TADA3: variants seen among roughly 807,000 people sequenced by gnomAD.
TADA3 encodes the protein transcriptional adapter 3.
Under a neutral mutation model 43.2 loss-of-function variants are expected in TADA3, and 25 were observed. That is an observed-to-expected ratio of 0.58 (90% CI 0.42 to 0.81). The LOEUF is 0.81. Among genes scored for constraint, TADA3 ranks in the 30% least tolerant of loss-of-function variants. TADA3 has a pLI of 0.00. For missense variants in TADA3, 441 were observed against 567.8 expected, an observed-to-expected ratio of 0.78 and a Z score of 2.27; for synonymous variants, 235 against 225.5, an observed-to-expected ratio of 1.04 and a Z score of -0.38.
chr3:9,781,694 A>T, intron 8 of TADA3: 1 of 428,642 alleles, frequency 2.3e-6, no homozygotes, highest in East Asian at 7.3e-5. Context: ...GATTGAGTCC[A>T]GCCTGCCAGT....
At position 9,792,431 on chromosome 3, in the gene TADA3, G is replaced by A. The variant is rs566846964; in HGVS notation, c.-243C>T. 18 of 1,089,620 alleles carry A rather than the reference G, an allele frequency of 1.7e-5. No homozygotes were observed. In the African/African-American group the frequency reaches 2.1e-4, roughly 13 times the overall value. The allele number at this position is 1,089,620 out of a possible 1,614,324, so 67.5% of individuals were successfully genotyped here. The stretch of plus-strand genomic sequence containing the variant: ...CCTACGGCCCCAGGGGCCGCGGGAG[G>A]GGGCGGGGAGTTCCGGTCGATGTGA... On this transcript the variant is annotated 5_prime_UTR_variant, in exon 1 of 9. Transcript: ENST00000301964.
intron 1 of TADA3, 32 bp from the exon 2 acceptor site, chr3:9,791,525 A>G (rs1575311527): frequency 7.1e-7 from 1 of 1,401,532 alleles, no homozygotes. Flanking sequence ...ATGGGAGACA[A>G]AGTGGTCTGA....
chr3:9,786,938 TA>T, intron 6 of TADA3, 67 bp downstream of exon 6: 2 of 1,417,430 alleles, frequency 1.4e-6, no homozygotes, highest in Non-Finnish European at 2.0e-6. Context: ...TAAATTCCGA[TA>T]AAAAATAAGC....
intron 8 of TADA3, among the ~76,000 whole-genome samples, 163 bp from the exon 9 acceptor site, chr3:9,780,712 C>CTATCT (rs1369785168): frequency 6.6e-6 from 1 of 152,228 alleles, no homozygotes; most frequent in African/African-American, 2.4e-5. Context: ...TTACATGGCA[C>CTATCT]TATCTTAAGC....
intron 8 of TADA3, chr3:9,783,726 C>T (rs576585049): frequency 8.0e-6 from 2 of 250,576 alleles, no homozygotes; most frequent in South Asian, 7.9e-5. Context: ...TGCAGTGAGC[C>T]GAGATCATGC....
Position 9,792,372 on chromosome 3 carries a change from G to C in TADA3, c.-184C>G, listed in dbSNP as rs956867444. On this transcript the variant is annotated 5_prime_UTR_variant, in exon 1 of 9. Transcript: ENST00000301964. ...TCGTTCTCTAGGGACACCCTAGTGCGACCCCCGCCCCCTCTACCTCCTCGC... is the reference window on the plus strand; with the variant it reads ...TCGTTCTCTAGGGACACCCTAGTGCCACCCCCGCCCCCTCTACCTCCTCGC... 3 of 541,810 alleles carry C rather than the reference G, an allele frequency of 5.5e-6. No homozygotes were observed. The highest frequency in any genetic ancestry group is 7.2e-6 in the Non-Finnish European group (3 of 415,470). The allele number at this position is 541,810 out of a possible 1,614,324, so 33.6% of individuals were successfully genotyped here. A position where few individuals can be genotyped will look rare whatever the true frequency, so the allele number is the denominator to read the frequency against.
At position 9,780,539 on chromosome 3, in the gene TADA3, C is replaced by G; in HGVS notation, c.1117G>C (p.Glu373Gln). The G allele has an allele frequency of 6.2e-7, 1 of 1,602,044 alleles. No homozygotes were observed. Among genetic ancestry groups the G allele is most frequent in the Non-Finnish European group, 8.5e-7 (1 of 1,179,564 alleles). The part of the protein sequence containing the change: ...KKHDLLRLAK[E>Q]EVSRQELRQR... ...CTCAGCTCCTGCCGGCTCACCTCCT[C>G]CTTTGCCAGCCTGTGGGGACCAGCC... Residue 373 changes from glutamate to glutamine, a missense_variant, in exon 9 of 9, where the codon GAG becomes CAG. Physicochemically the swap from Glu to Gln is conservative, Grantham distance 29. Transcript: ENST00000301964.
chr3:9,785,289 G>A (rs939206804), intron 7 of TADA3, 27 bp downstream of exon 7: 8 of 1,565,158 alleles, frequency 5.1e-6, no homozygotes, highest in Non-Finnish European at 6.1e-6. Context: ...GGGCCAGACT[G>A]TGGGTTGTGG....
In TADA3 at chr3:9,780,438, C is replaced by A. The variant is rs550260818; in HGVS notation, c.1218G>T (p.Arg406=). 3.3e-4 allele frequency: 540 copies of A among 1,613,074 alleles called. 5 individuals carry two copies. The South Asian group carries it at 5.7e-3, about 17-fold the overall frequency. ...RKIMAARQKK[R]TPTKKEKDQA... is the part of the protein sequence containing the mutation. ...GGTCCTTTTCTTTCTTGGTGGGAGT[C>A]CGCTTCTTCTGCCGGGCAGCCATGA... is the stretch of plus-strand genomic sequence containing the variant. Residue 406 remains arginine (R), a synonymous_variant, in exon 9 of 9, where the codon CGG becomes CGT. Transcript: ENST00000301964.
chr3:9,792,688 G>A (rs1050115074), upstream of TADA3: 2 of 1,233,226 alleles, frequency 1.6e-6, no homozygotes, highest in African/African-American at 3.1e-5. Context: ...TAGCCCCGCC[G>A]AGCGCCAGGA....
upstream of TADA3, chr3:9,792,831 G>T (rs878972533): frequency 3.7e-6 from 5 of 1,356,884 alleles, no homozygotes; most frequent in South Asian, 3.6e-5. Flanking sequence ...CCTGGGGGAG[G>T]CTGTGGCAAA....
At chr3:9,785,829 G>A (rs1368393112) in intron 6 of TADA3, among the ~76,000 whole-genome samples, 3 of 152,232 alleles carry the variant, frequency 2.0e-5, no homozygotes, top group Non-Finnish European at 4.4e-5. Context: ...TCTTGCAGGC[G>A]GGTATGGTCA....
At chr3:9,792,988 T>C (rs187036455), upstream of TADA3, 47 of 1,462,864 alleles carry the variant, frequency 3.2e-5, no homozygotes, top group African/African-American at 6.1e-4. Flanking sequence ...AAGGGCTCTC[T>C]ACCCCGCTCG....
chr3:9,783,761 G>A, intron 8 of TADA3: 2 of 433,030 alleles, frequency 4.6e-6, no homozygotes, highest in Non-Finnish European at 7.8e-6. Context: ...CTGGGTGACA[G>A]TGCGAGACTC....
Position 9,789,785 on chromosome 3 carries a change from T to C in TADA3, c.386A>G (p.Lys129Arg), listed in dbSNP as rs753436936. The change falls in exon 3 of 9, where the codon AAG becomes AGG. Residue 129 changes from lysine to arginine, a missense_variant. Coordinates refer to ENST00000301964, the MANE Select transcript of TADA3 (RefSeq NM_006354.5). ...GRPKSKNLQP[K>R]IQEYEFTDDP... The stretch of plus-strand genomic sequence containing the variant: ...ATCAGTGAATTCATATTCCTGGATC[T>C]TGGGCTGAAGGTTTTTGGATTTGGG... The C allele has an allele frequency of 1.7e-5, 28 of 1,614,146 alleles. No individual in the cohort carries two copies. The highest frequency in any genetic ancestry group is 2.4e-5 in the Non-Finnish European group (28 of 1,180,048).
chr3:9,787,896 CAAGAGGGAGAG>C (rs2078653671), intron 4 of TADA3: 1 of 385,512 alleles, frequency 2.6e-6, no homozygotes, highest in Admixed American at 3.6e-5. Flanking sequence ...GTCAAGGAGA[CAAGAGGGAGAG>C]AAGAGCTTGC....
At position 9,789,619 on chromosome 3, in the gene TADA3, A is replaced by G. The variant is rs746107814; in HGVS notation, c.459-5T>C. 1 of 1,613,722 alleles carries G rather than the reference A, an allele frequency of 6.2e-7. No homozygotes were observed. The highest frequency in any genetic ancestry group is 1.7e-5 in the Admixed American group (1 of 59,960). On this transcript the variant is annotated splice_polypyrimidine_tract_variant and splice_region_variant and intron_variant, in intron 3 of 8. Coordinates refer to ENST00000301964, the MANE Select transcript of TADA3 (RefSeq NM_006354.5). The stretch of plus-strand genomic sequence containing the variant: ...GGCTCCACTGAAGCCCAGAACCTGC[A>G]GGGAGAAGCAGATCCTGAGTGGGCG...
At position 9,780,501 on chromosome 3, in the gene TADA3, G is replaced by A; in HGVS notation, c.1155C>T (p.Arg385=). Residue 385 remains arginine, a synonymous_variant, in exon 9 of 9, where the codon CGC becomes CGT. Coordinates refer to ENST00000301964, the MANE Select transcript of TADA3 (RefSeq NM_006354.5). ...CGTCCATGACCTCGTTGTCAGCCATGCGCACCCGCTGCCTCAGCTCCTGCC... is the reference window on the plus strand; with the variant it reads ...CGTCCATGACCTCGTTGTCAGCCATACGCACCCGCTGCCTCAGCTCCTGCC... ...VSRQELRQRV[R]MADNEVMDAF... 1 of 1,608,812 alleles carries A rather than the reference G, an allele frequency of 6.2e-7. No individual in the cohort carries two copies.
intron 2 of TADA3, among the ~76,000 whole-genome samples, chr3:9,790,548 A>G (rs1457901069): frequency 2.0e-5 from 3 of 152,228 alleles, no homozygotes; most frequent in Non-Finnish European, 4.4e-5. Flanking sequence ...TGAGGACCAG[A>G]AAGCCCACCT....
Sources: allele counts gnomAD v4.1 joint callset (sites outside exome capture counted in the v4.1 genomes callset), GRCh38; gene constraint gnomAD v4.1.1; transcripts MANE v1.5; gene names NCBI Gene and HGNC (gene_info 2026-07-23, HGNC 2026-07-21).